TTC7A: variants seen among roughly 807,000 people sequenced by gnomAD.
TTC7A encodes tetratricopeptide repeat protein 7A.
In TTC7A, 110 loss-of-function variants were observed where a neutral mutation model predicts 103.7. That is an observed-to-expected ratio of 1.06 (90% CI 0.91 to 1.24). The LOEUF (loss-of-function observed/expected upper bound fraction) is 1.24, where lower values mean the gene tolerates loss of function less well. Ranked by LOEUF, TTC7A falls within the 50% of genes most tolerant of loss-of-function variation. The pLI is 0.00. For missense variants in TTC7A, 1,340 were observed against 1,116.3 expected, an observed-to-expected ratio of 1.20 and a Z score of -2.86; for synonymous variants, 521 against 467.9, an observed-to-expected ratio of 1.11 and a Z score of -1.47.
At chr2:46,929,333 A>T (rs1159411049) in intron 2 of TTC7A, among the ~76,000 whole-genome samples, 1 of 152,080 alleles carries the variant, frequency 6.6e-6, no homozygotes, top group African/African-American at 2.4e-5. Context: ...GGAAAAATTT[A>T]AAAACTACCT....
intron 2 of TTC7A, among the ~76,000 whole-genome samples, chr2:46,918,646 A>T (rs1420289438): frequency 6.6e-6 from 1 of 152,234 alleles, no homozygotes; most frequent in Non-Finnish European, 1.5e-5. Context: ...TGTATGTCAA[A>T]CTGGAAAGTT....
chr2:47,061,110 G>GCCC, intron 19 of TTC7A, 139 bp downstream of exon 19: 2 of 880,666 alleles, frequency 2.3e-6, no homozygotes, highest in Non-Finnish European at 3.4e-6. Context: ...TAGGGGAGGG[G>GCCC]GCTTCCCTCC....
Position 47,007,824 on chromosome 2 carries a change from G to A in TTC7A, c.1287+1100G>A, listed in dbSNP as rs114374454. ...CCCATCACATCGGACACCTCACAGAGCATCTTGAAGTCACAGCATGATCTC... is the reference window on the plus strand; with the variant it reads ...CCCATCACATCGGACACCTCACAGAACATCTTGAAGTCACAGCATGATCTC... On this transcript the variant is annotated intron_variant, in intron 10 of 19. Coordinates refer to ENST00000319190, the MANE Select transcript of TTC7A (RefSeq NM_020458.4). The surrounding 1 kb of genome is among the most constrained non-coding windows in gnomAD (Gnocchi z 4.9). 5.6e-3 allele frequency among the ~76,000 whole-genome samples: 853 copies of A among 152,338 alleles called. 4 individuals are homozygous for A. The highest frequency in any genetic ancestry group is 0.02 in the African/African-American group (814 of 41,574).
At position 46,994,502 on chromosome 2, in the gene TTC7A, A is replaced by T; in HGVS notation, c.989A>T (p.Tyr330Phe). Residue 330 changes from tyrosine to phenylalanine, a missense_variant, in exon 7 of 20, where the codon TAT becomes TTT. Coordinates refer to ENST00000319190, the MANE Select transcript of TTC7A (RefSeq NM_020458.4). Reference protein sequence around the residue: ...ATQALRKPHLYEGDNLYCPKD... With the variant: ...ATQALRKPHLFEGDNLYCPKD... Reference sequence around the variant, plus strand: ...CAGGCCCTGCGGAAACCTCACCTCTATGAAGGAGACAAGTAAGTTCTGCCT... The same window carrying T: ...CAGGCCCTGCGGAAACCTCACCTCTTTGAAGGAGACAAGTAAGTTCTGCCT... The T allele has an allele frequency of 1.2e-6, 2 of 1,613,952 alleles. No individual in the cohort carries two copies. The highest frequency in any genetic ancestry group is 1.7e-6 in the Non-Finnish European group (2 of 1,179,930).
chr2:46,950,520 G>A lies in TTC7A; in HGVS notation c.342G>A (p.Arg114=). The change falls in exon 2 of 20, where the codon AGG becomes AGA. Residue 114 remains arginine, a synonymous_variant. Transcript: ENST00000319190. ...NYLSSILNHG[R]LSPQYMCEAM... ...TAAGCAGTATCCTTAACCATGGGAG[G>A]CTCTCGGTAAGTCGTCAGCCTTCAA... 6.2e-7 allele frequency: 1 copy of A among 1,613,988 alleles called. No individual in the cohort carries two copies. The highest frequency in any genetic ancestry group is 8.5e-7 in the Non-Finnish European group (1 of 1,179,960).
chr2:46,996,135 A>G (rs1417631848), intron 8 of TTC7A, among the ~76,000 whole-genome samples: 1 of 152,206 alleles, frequency 6.6e-6, no homozygotes, highest in Non-Finnish European at 1.5e-5. Context: ...GGTGCTCAGC[A>G]AAGGAGAGTG....
intron 3 of TTC7A, among the ~76,000 whole-genome samples, chr2:46,960,396 G>A (rs1672267194): frequency 6.6e-6 from 1 of 152,304 alleles, no homozygotes; most frequent in East Asian, 1.9e-4. Flanking sequence ...TGGTATACCT[G>A]ATATTTGGTG....
chr2:47,060,872 C>T lies in TTC7A; in HGVS notation c.2256C>T (p.Gly752=), dbSNP rs1401751108. ...CTCACTCAGTACTCTATATGCGGGG[C>T]CGGCTGGCTGAGGTGAAGGGCAACC... ...PTSHSVLYMR[G]RLAEVKGNLE... Residue 752 remains glycine, a synonymous_variant, in exon 19 of 20, where the codon GGC becomes GGT. Coordinates refer to ENST00000319190, the MANE Select transcript of TTC7A (RefSeq NM_020458.4). 50 of 1,614,026 alleles carry T rather than the reference C, an allele frequency of 3.1e-5. No homozygotes were observed. The highest frequency in any genetic ancestry group is 4.2e-5 in the Non-Finnish European group (49 of 1,180,020).
intron 2 of TTC7A, among the ~76,000 whole-genome samples, chr2:46,925,066 G>A (rs1251481496): frequency 1.3e-5 from 2 of 152,194 alleles, no homozygotes; most frequent in South Asian, 2.1e-4. Flanking sequence ...TCAGCTTTCA[G>A]TATTTTTCTG....
At chr2:46,993,948 T>TA (rs1409219746) in intron 6 of TTC7A, among the ~76,000 whole-genome samples, 2 of 152,182 alleles carry the variant, frequency 1.3e-5, no homozygotes, top group Non-Finnish European at 2.9e-5. Context: ...AGCTGCTTCT[T>TA]ATGCTATAAT....
rs1037420482 is a variant in TTC7A at position 47,005,630 on chromosome 2, C to T, written c.1066-292C>T. Reference sequence around the variant, plus strand: ...GTTTTCGGTTATGAGACTATTCTTGCAACTTTTCTGTAGGCTTGAAATTTT... The same window carrying T: ...GTTTTCGGTTATGAGACTATTCTTGTAACTTTTCTGTAGGCTTGAAATTTT... On this transcript the variant is annotated intron_variant, in intron 8 of 19. Coordinates refer to ENST00000319190, the MANE Select transcript of TTC7A (RefSeq NM_020458.4). 3.3e-5 allele frequency among the ~76,000 whole-genome samples: 5 copies of T among 152,150 alleles called. No individual in the cohort carries two copies. In the East Asian group the frequency reaches 9.6e-4, roughly 29 times the overall value.
chr2:47,033,639 T>C (rs1348456299), intron 15 of TTC7A, among the ~76,000 whole-genome samples: 1 of 152,222 alleles, frequency 6.6e-6, no homozygotes, highest in Non-Finnish European at 1.5e-5. Flanking sequence ...TCCCCTTGCC[T>C]GTTTGCTCAT....
intron 18 of TTC7A, 61 bp downstream of exon 18, chr2:47,051,941 GC>G: frequency 6.5e-7 from 1 of 1,542,314 alleles, no homozygotes; most frequent in Non-Finnish European, 8.8e-7. Context: ...TGCTCTCAGA[GC>G]CCTGTCCTGG....
chr2:46,988,380 C>T (rs949263474), intron 5 of TTC7A, among the ~76,000 whole-genome samples: 9 of 152,244 alleles, frequency 5.9e-5, no homozygotes, highest in African/African-American at 2.2e-4. Flanking sequence ...TTCACCTGAC[C>T]TTGTCCCCTG....
chr2:46,959,856 C>G (rs1332677468), intron 3 of TTC7A, among the ~76,000 whole-genome samples: 1 of 152,170 alleles, frequency 6.6e-6, no homozygotes. Flanking sequence ...ACATCACATG[C>G]GTATTTGTGT....
intron 18 of TTC7A, among the ~76,000 whole-genome samples, chr2:47,053,094 C>T (rs747354803): frequency 6.6e-6 from 1 of 152,142 alleles, no homozygotes; most frequent in Non-Finnish European, 1.5e-5. Flanking sequence ...ATAGGATTCA[C>T]AGGAAGGCTA....
intron 8 of TTC7A, among the ~76,000 whole-genome samples, chr2:46,995,666 G>T (rs150399505): frequency 1.3e-5 from 2 of 152,144 alleles, no homozygotes; most frequent in African/African-American, 4.8e-5. Flanking sequence ...CTGAGCCTCC[G>T]TTTTCTCCCC....
intron 18 of TTC7A, among the ~76,000 whole-genome samples, chr2:47,057,240 C>A (rs964750869): frequency 6.6e-6 from 1 of 152,232 alleles, no homozygotes; most frequent in Non-Finnish European, 1.5e-5. Flanking sequence ...CCCTGCTGGG[C>A]ACTGTCTGCC....
intron 14 of TTC7A, among the ~76,000 whole-genome samples, chr2:47,025,990 C>A (rs1345835539): frequency 6.6e-6 from 1 of 152,314 alleles, no homozygotes; most frequent in South Asian, 2.1e-4. Context: ...CATTTTTTAA[C>A]CTGTTCAGTT....
Sources: allele counts gnomAD v4.1 joint callset (sites outside exome capture counted in the v4.1 genomes callset), GRCh38; gene constraint gnomAD v4.1.1; non-coding constraint Gnocchi (gnomAD v3.1); transcripts MANE v1.5; gene names NCBI Gene and HGNC (gene_info 2026-07-23, HGNC 2026-07-21).